The following TRPM3 variants were observed in gnomAD, a reference collection of about 807,000 sequenced individuals.
The protein encoded by TRPM3 is transient receptor potential cation channel subfamily M member 3.
Under a neutral mutation model 181.2 loss-of-function variants are expected in TRPM3, and 77 were observed. The observed-to-expected ratio is 0.42, with a 90% CI of 0.35 to 0.51. TRPM3 has a LOEUF of 0.51. Ranked by LOEUF, TRPM3 falls within the 20% of genes least tolerant of loss-of-function variation. TRPM3 has a pLI of 0.01. For synonymous variants in TRPM3, 745 were observed against 796.4 expected (o/e 0.94, Z 1.09); for missense variants, 1,759 against 2,196.7 (o/e 0.80, Z 3.98).
At chr9:70,754,839 A>G (rs903689175) in intron 8 of TRPM3, among the ~76,000 whole-genome samples, 5 of 152,156 alleles carry the variant, frequency 3.3e-5, no homozygotes, top group Non-Finnish European at 5.9e-5. Flanking sequence ...GTGCTATGCT[A>G]TGGAGCCTAA....
At chr9:71,084,480 T>C (rs541470120) in intron 1 of TRPM3, among the ~76,000 whole-genome samples, 2 of 152,036 alleles carry the variant, frequency 1.3e-5, no homozygotes, top group Admixed American at 6.6e-5. Flanking sequence ...ACAACAATAA[T>C]GTTCAAGCTG....
chr9:71,189,729 T>C (rs1197941503), intron 1 of TRPM3, among the ~76,000 whole-genome samples: 1 of 151,840 alleles, frequency 6.6e-6, no homozygotes, highest in Non-Finnish European at 1.5e-5. Context: ...TACCCCTTAA[T>C]CCTTATTCCT....
intron 1 of TRPM3, among the ~76,000 whole-genome samples, chr9:71,178,676 G>T (rs913981556): frequency 6.6e-6 from 1 of 152,168 alleles, no homozygotes; most frequent in South Asian, 2.1e-4. Flanking sequence ...TCACTAAAAC[G>T]CAGGAAAATT....
At chr9:71,434,108 G>A (rs1016329101) in intron 1 of TRPM3, among the ~76,000 whole-genome samples, 4 of 152,264 alleles carry the variant, frequency 2.6e-5, no homozygotes, top group African/African-American at 4.8e-5. Context: ...GCAGTGAGCC[G>A]AGATCATTCC....
intron 1 of TRPM3, among the ~76,000 whole-genome samples, chr9:70,939,389 G>T (rs2096862934): frequency 6.6e-6 from 1 of 152,124 alleles, no homozygotes; most frequent in Non-Finnish European, 1.5e-5. Flanking sequence ...TCTCATATAT[G>T]TTAATTATTC....
intron 1 of TRPM3, among the ~76,000 whole-genome samples, chr9:71,253,692 C>A (rs537479321): frequency 6.6e-6 from 1 of 152,144 alleles, no homozygotes; most frequent in Non-Finnish European, 1.5e-5. Context: ...CCAGACACCC[C>A]ACTATTGGGT....
At chr9:71,440,765 C>T (rs562812883) in intron 1 of TRPM3, among the ~76,000 whole-genome samples, 6 of 152,002 alleles carry the variant, frequency 3.9e-5, no homozygotes, top group African/African-American at 4.8e-5. Flanking sequence ...TTTCTTTAAA[C>T]GTTGTTCTCT....
chr9:70,857,668 G>A (rs375777749), intron 3 of TRPM3, among the ~76,000 whole-genome samples: 2 of 152,098 alleles, frequency 1.3e-5, no homozygotes, highest in Admixed American at 6.6e-5. Flanking sequence ...AGGAGGCTGG[G>A]TTCAAGAACT....
chr9:71,125,822 A>C (rs991185703), upstream of TRPM3, among the ~76,000 whole-genome samples: 2 of 152,352 alleles, frequency 1.3e-5, no homozygotes, highest in Middle Eastern at 3.4e-3. Context: ...CTAAGATTTC[A>C]TGACGAACAT....
At chr9:71,214,804 A>G (rs1270663836) in intron 1 of TRPM3, among the ~76,000 whole-genome samples, 3 of 152,002 alleles carry the variant, frequency 2.0e-5, no homozygotes, top group African/African-American at 4.8e-5. Flanking sequence ...ACTTCTGTCA[A>G]TTTCTCTGCC....
At chr9:71,263,930 C>T (rs955725460) in intron 1 of TRPM3, among the ~76,000 whole-genome samples, 4 of 152,136 alleles carry the variant, frequency 2.6e-5, no homozygotes, top group Non-Finnish European at 5.9e-5. Flanking sequence ...CAGGTGCATG[C>T]TACCATGTCC....
intron 1 of TRPM3, among the ~76,000 whole-genome samples, chr9:71,142,888 G>A (rs1483606804): frequency 1.3e-5 from 2 of 151,098 alleles, no homozygotes; most frequent in African/African-American, 4.9e-5. Flanking sequence ...CGAGGCAGGA[G>A]AATCACTTGA....
intron 22 of TRPM3, among the ~76,000 whole-genome samples, chr9:70,562,029 A>T (rs1248678577): frequency 2.0e-5 from 3 of 152,218 alleles, no homozygotes; most frequent in Non-Finnish European, 2.9e-5. Flanking sequence ...AGCGTTTTTC[A>T]TTCTGTTTAT....
At chr9:71,117,072 C>A (rs2072560197) in intron 1 of TRPM3, among the ~76,000 whole-genome samples, 1 of 152,078 alleles carries the variant, frequency 6.6e-6, no homozygotes, top group Non-Finnish European at 1.5e-5. Context: ...AGAAGTTATC[C>A]TAGATTCCTC....
intron 7 of TRPM3, chr9:70,776,547 A>C (rs753773991): frequency 4.6e-6 from 3 of 658,156 alleles, no homozygotes; most frequent in Non-Finnish European, 8.3e-6. Context: ...TGCCCTTAAA[A>C]ACTCCATGTA....
chr9:70,956,653 G>A (rs990942101), intron 1 of TRPM3, among the ~76,000 whole-genome samples: 2 of 152,134 alleles, frequency 1.3e-5, no homozygotes, highest in African/African-American at 4.8e-5. Context: ...GGAGGCCAGG[G>A]TGGGAGGATT....
intron 1 of TRPM3, among the ~76,000 whole-genome samples, chr9:71,376,521 T>A (rs2092671022): frequency 6.6e-6 from 1 of 152,074 alleles, no homozygotes; most frequent in Non-Finnish European, 1.5e-5. Flanking sequence ...CTAGTTAGGA[T>A]AATAGAATAT....
At chr9:71,305,791 TC>T (rs780296934) in intron 1 of TRPM3, among the ~76,000 whole-genome samples, 2 of 152,174 alleles carry the variant, frequency 1.3e-5, no homozygotes, top group Non-Finnish European at 2.9e-5. Context: ...ACTTGCTTTC[TC>T]TTTCTTTAGA....
At chr9:70,868,080 T>C (rs1379673813) in intron 1 of TRPM3, among the ~76,000 whole-genome samples, 2 of 152,062 alleles carry the variant, frequency 1.3e-5, no homozygotes, top group African/African-American at 2.4e-5. Context: ...AAATCTTTTC[T>C]TTTTAAATAT....
Sources: gnomAD v4.1 joint callset for allele counts (sites outside exome capture counted in the v4.1 genomes callset) on GRCh38, gnomAD v4.1.1 for gene constraint, MANE v1.5 for transcripts, NCBI Gene and HGNC (gene_info 2026-07-23, HGNC 2026-07-21) for gene names.